Variants in WARS2 observed in about 807,000 individuals in gnomAD.
WARS2 encodes the protein tryptophanyl tRNA synthetase 2, mitochondrial.
WARS2 carries 28 observed loss-of-function variants against 36.5 expected under a neutral mutation model. The ratio of observed to expected loss-of-function variants is 0.77; its 90% CI spans 0.57 to 1.05. The LOEUF (loss-of-function observed/expected upper bound fraction) is 1.05. Ranked by LOEUF, WARS2 falls within the 50% of genes least tolerant of loss-of-function variation. The pLI, the probability that WARS2 is intolerant of heterozygous loss-of-function variation, is 0.00. For missense variants in WARS2, 435 were observed against 456.8 expected, an observed-to-expected ratio of 0.95 and a Z score of 0.44; for synonymous variants, 174 against 178.4, an observed-to-expected ratio of 0.98 and a Z score of 0.20.
At chr1:119,086,086 C>T in intron 1 of WARS2, 1 of 996,278 alleles carries the variant, frequency 1.0e-6, no homozygotes, top group East Asian at 2.6e-5. Context: ...TCTCAAACTC[C>T]TAGCCTTAAG....
At chr1:119,082,264 C>T in intron 1 of WARS2, 1 of 985,220 alleles carries the variant, frequency 1.0e-6, no homozygotes, top group Non-Finnish European at 1.2e-6. Flanking sequence ...TAAAAATATT[C>T]CCCCACAGGC....
At chr1:119,118,538 C>G (rs957784650) in intron 1 of WARS2, among the ~76,000 whole-genome samples, 18 of 152,064 alleles carry the variant, frequency 1.2e-4, no homozygotes, top group African/African-American at 4.3e-4. Context: ...CTTCCCTGGT[C>G]TTGCTAGAGA....
At chr1:119,038,705 G>A (rs995197191) in intron 4 of WARS2, among the ~76,000 whole-genome samples, 2 of 151,968 alleles carry the variant, frequency 1.3e-5, no homozygotes, top group African/African-American at 2.4e-5. Flanking sequence ...TTTTGAGATA[G>A]AGTCTCACTC....
intron 1 of WARS2, among the ~76,000 whole-genome samples, chr1:119,091,226 T>A (rs960550535): frequency 6.6e-6 from 1 of 152,198 alleles, no homozygotes; most frequent in Non-Finnish European, 1.5e-5. Flanking sequence ...ATTTGGACAT[T>A]GAGGTTAATG....
rs587616431 is a variant in WARS2, at chr1:119,099,086, T to C, written c.91-22479A>G. 3.3e-5 allele frequency among the ~76,000 whole-genome samples: 5 copies of C among 152,326 alleles called. No homozygotes were observed. The South Asian group carries it at 1.0e-3, about 32-fold the overall frequency. ...TGTGAAAGAGGCATTCACAAGTATA[T>C]AGGGAAATTCAATATAAATTCAGTT... On this transcript the variant is annotated intron_variant, in intron 1 of 5. Transcript: ENST00000235521.
At chr1:119,051,730 T>C (rs1380404829) in intron 2 of WARS2, among the ~76,000 whole-genome samples, 1 of 151,786 alleles carries the variant, frequency 6.6e-6, no homozygotes, top group Non-Finnish European at 1.5e-5. Flanking sequence ...ACAATAGCCA[T>C]TCAGACTGAT....
intron 1 of WARS2, among the ~76,000 whole-genome samples, chr1:119,084,844 G>T (rs1652501103): frequency 6.6e-6 from 1 of 152,176 alleles, no homozygotes; most frequent in African/African-American, 2.4e-5. Context: ...TGTAGCTGTT[G>T]AAACTGCAGC....
intron 4 of WARS2, among the ~76,000 whole-genome samples, chr1:119,041,994 T>A (rs769155599): frequency 6.6e-6 from 1 of 152,230 alleles, no homozygotes; most frequent in African/African-American, 2.4e-5. Context: ...GTACTTACAA[T>A]GGTTTCCAAC....
intron 1 of WARS2, chr1:119,085,651 T>A: frequency 2.1e-6 from 3 of 1,421,008 alleles, no homozygotes; most frequent in Non-Finnish European, 3.0e-6. Flanking sequence ...CTTCCTTTGA[T>A]CTTGATCCCA....
chr1:119,070,528 A>G (rs111555602), intron 2 of WARS2, among the ~76,000 whole-genome samples: 2 of 151,952 alleles, frequency 1.3e-5, no homozygotes, highest in Non-Finnish European at 2.9e-5. Flanking sequence ...CAGCCTCCCA[A>G]AGTGCTGGTA....
chr1:119,070,685 G>C (rs1651232326), intron 2 of WARS2, among the ~76,000 whole-genome samples: 1 of 152,012 alleles, frequency 6.6e-6, no homozygotes, highest in Non-Finnish European at 1.5e-5. Flanking sequence ...TGGGGCTGCA[G>C]TGAGCTATCA....
chr1:119,032,851 C>G lies in WARS2; in HGVS notation c.*60G>C. ...AACTTTTTCTTTTTAGGAAAGCTGC[C>G]GTTATCAGAATGCATGGAGTGCAAG... On this transcript the variant is annotated 3_prime_UTR_variant, in exon 6 of 6. Coordinates refer to ENST00000235521, the MANE Select transcript of WARS2 (RefSeq NM_015836.4). The G allele has an allele frequency of 6.8e-7, 1 of 1,466,548 alleles. No homozygotes were observed. Among genetic ancestry groups the G allele is most frequent in the Non-Finnish European group, 9.2e-7 (1 of 1,082,116 alleles). The allele number at this position is 1,466,548 out of a possible 1,614,324, so 90.8% of individuals were successfully genotyped here. A position where few individuals can be genotyped will look rare whatever the true frequency, so the allele number is the denominator to read the frequency against.
chr1:119,065,571 G>A (rs558683746), intron 2 of WARS2, among the ~76,000 whole-genome samples: 35 of 149,538 alleles, frequency 2.3e-4, no homozygotes, highest in Non-Finnish European at 4.6e-4. Flanking sequence ...GAAGGCAGAG[G>A]TTGCAGTGAG....
intron 1 of WARS2, among the ~76,000 whole-genome samples, chr1:119,093,527 AG>A (rs1323961234): frequency 6.6e-6 from 1 of 150,426 alleles, no homozygotes; most frequent in Non-Finnish European, 1.5e-5. Flanking sequence ...AGACACATAG[AG>A]GGAAAAGGGC....
chr1:119,078,897 C>CGTGTGTGT (rs144044142), intron 1 of WARS2, among the ~76,000 whole-genome samples: 44 of 148,432 alleles, frequency 3.0e-4, no homozygotes, highest in Admixed American at 6.1e-4. Context: ...TGAAGGTGCA[C>CGTGTGTGT]GTGTGTGTGT....
At chr1:119,054,534 C>T (rs954229141) in intron 2 of WARS2, among the ~76,000 whole-genome samples, 32 of 152,104 alleles carry the variant, frequency 2.1e-4, no homozygotes, top group Non-Finnish European at 4.0e-4. Context: ...CCATATGATT[C>T]AGCAGTTCCA....
intron 1 of WARS2, among the ~76,000 whole-genome samples, chr1:119,089,827 G>T (rs772014174): frequency 1.2e-4 from 18 of 152,146 alleles, no homozygotes; most frequent in Non-Finnish European, 1.8e-4. Flanking sequence ...CCTTTGCAGG[G>T]ACATAGATGG....
At chr1:119,137,190 G>A (rs1416192895) in intron 1 of WARS2, among the ~76,000 whole-genome samples, 1 of 152,066 alleles carries the variant, frequency 6.6e-6, no homozygotes, top group Admixed American at 6.5e-5. Flanking sequence ...TTTGATAACT[G>A]TATTATGATT....
intron 2 of WARS2, among the ~76,000 whole-genome samples, chr1:119,071,668 G>A (rs1651326621): frequency 6.6e-6 from 1 of 152,136 alleles, no homozygotes; most frequent in South Asian, 2.1e-4. Flanking sequence ...GTAGAATGGG[G>A]CAAGAGGAAA....
Sources: allele counts gnomAD v4.1 joint callset (sites outside exome capture counted in the v4.1 genomes callset), GRCh38; gene constraint gnomAD v4.1.1; transcripts MANE v1.5; gene names NCBI Gene and HGNC (gene_info 2026-07-23, HGNC 2026-07-21).